NAV2: variants seen among roughly 807,000 people sequenced by gnomAD.
NAV2 encodes neuron navigator 2.
A neutral mutation model predicts 223.2 loss-of-function variants in NAV2; 54 were observed. That is an observed-to-expected ratio of 0.24 (90% CI 0.19 to 0.30). The LOEUF is 0.30. Among genes scored for constraint, NAV2 ranks in the 10% least tolerant of loss-of-function variants. NAV2 has a pLI of 1.00. For missense variants in NAV2, 2,806 were observed against 3,147.5 expected (o/e 0.89, Z 2.60); for synonymous variants, 1,279 against 1,239.3 (o/e 1.03, Z -0.67).
At chr11:19,989,161 G>C (rs1302039823) in intron 11 of NAV2, among the ~76,000 whole-genome samples, 1 of 152,186 alleles carries the variant, frequency 6.6e-6, no homozygotes, top group Non-Finnish European at 1.5e-5. Context: ...GATATGTTAA[G>C]TTTCATGGCG....
chr11:19,374,678 A>T (rs1848583578), intron 1 of NAV2, among the ~76,000 whole-genome samples: 1 of 152,206 alleles, frequency 6.6e-6, no homozygotes, highest in Non-Finnish European at 1.5e-5. Context: ...TTAAGAAATC[A>T]TCTGTCCTTT....
At chr11:19,755,864 C>G (rs558406701) in intron 1 of NAV2, among the ~76,000 whole-genome samples, 87 of 152,198 alleles carry the variant, frequency 5.7e-4, no homozygotes, top group Non-Finnish European at 1.1e-3. Context: ...GACTTACCTA[C>G]AGGGCAGAGA....
At chr11:19,880,209 G>T in intron 5 of NAV2, 82 bp downstream of exon 5, 1 of 1,449,682 alleles carries the variant, frequency 6.9e-7, no homozygotes, top group Non-Finnish European at 9.1e-7. Context: ...ATCCTGTATG[G>T]CTTTTTCATT....
In NAV2 at chr11:19,776,923, C is replaced by T. The variant is rs775883414; in HGVS notation, c.268-55561C>T. 3.3e-5 allele frequency among the ~76,000 whole-genome samples: 5 copies of T among 152,128 alleles called. No individual in the cohort carries two copies. The East Asian group carries it at 9.8e-4, about 30-fold the overall frequency. On this transcript the variant is annotated intron_variant, in intron 1 of 37. Coordinates refer to ENST00000349880, the MANE Select transcript of NAV2 (RefSeq NM_145117.5). ...CTACCCATCTTCTGCCCAAGGCTCTCCCTACTACCCACGCCCTCCCCGAAA... is the reference window on the plus strand; with the variant it reads ...CTACCCATCTTCTGCCCAAGGCTCTTCCTACTACCCACGCCCTCCCCGAAA...
At chr11:19,585,254 G>A (rs1038088856) in intron 1 of NAV2, among the ~76,000 whole-genome samples, 261 of 152,038 alleles carry the variant, frequency 1.7e-3, no homozygotes, top group African/African-American at 5.4e-3. Flanking sequence ...CCATCCCTTT[G>A]TTTTGAGCCT....
At chr11:19,772,389 CA>C (rs368776816) in intron 1 of NAV2, among the ~76,000 whole-genome samples, 149 of 152,312 alleles carry the variant, frequency 9.8e-4, no homozygotes, top group Non-Finnish European at 1.8e-3. Context: ...GAGGATCAAT[CA>C]CTCTCCATCT....
chr11:20,107,733 A>G lies in NAV2; in HGVS notation c.6911A>G (p.Asn2304Ser). ...GSRVWFTDLW[N>S]YSIIPYLLEA... ...AGAGTGTGGTTCACCGACTTGTGGA[A>G]CTATTCCATTATCCCCTATCTCCTG... The change falls in exon 36 of 38, where the codon AAC (asparagine) becomes AGC (serine). Residue 2304 changes from asparagine to serine, a missense_variant. Physicochemically the swap from Asn to Ser is conservative, Grantham distance 46. Around this residue, in one of 4 missense-constraint regions of NAV2, gnomAD observed 824 missense variants for 1,069.4 expected, o/e 0.77. Transcript: ENST00000349880. 1 of 1,614,176 alleles carries G rather than the reference A, an allele frequency of 6.2e-7. No homozygotes were observed. The highest frequency in any genetic ancestry group is 8.5e-7 in the Non-Finnish European group (1 of 1,180,024).
intron 5 of NAV2, among the ~76,000 whole-genome samples, chr11:19,889,235 T>TA (rs1171585623): frequency 6.6e-6 from 1 of 152,216 alleles, no homozygotes; most frequent in Non-Finnish European, 1.5e-5. Context: ...TCTTCCCACT[T>TA]ACCACACAGT....
At position 20,044,004 on chromosome 11, in the gene NAV2, G is replaced by C. The variant is rs371134903; in HGVS notation, c.2931G>C (p.Gln977His). 6.2e-6 allele frequency: 10 copies of C among 1,614,026 alleles called. No individual in the cohort carries two copies. Among genetic ancestry groups the C allele is most frequent in the Non-Finnish European group, 8.5e-6 (10 of 1,179,994 alleles). Residue 977 changes from glutamine to histidine, a missense_variant, in exon 13 of 38, where the codon CAG (glutamine) becomes CAC (histidine). Physicochemically the swap from Gln to His is conservative, Grantham distance 24 (BLOSUM62 0). Coordinates refer to ENST00000349880, the MANE Select transcript of NAV2 (RefSeq NM_145117.5). ...AGACTGATGCTGAGAAGCACTCACA[G>C]GTGGAGAGGAATTCCCTGTGGTCTG... The part of the protein sequence containing the change: ...DVQTDAEKHS[Q>H]VERNSLWSGD...
intron 1 of NAV2, among the ~76,000 whole-genome samples, chr11:19,393,097 A>T (rs773326657): frequency 2.6e-5 from 4 of 152,186 alleles, no homozygotes; most frequent in African/African-American, 9.7e-5. Flanking sequence ...GAATTGGATG[A>T]TCTAACCCCT....
chr11:19,850,127 C>G (rs1395196670), intron 3 of NAV2, among the ~76,000 whole-genome samples: 1 of 152,188 alleles, frequency 6.6e-6, no homozygotes, highest in Non-Finnish European at 1.5e-5. Flanking sequence ...ATACAAAGTA[C>G]TTATTTACAG....
chr11:20,015,450 T>A (rs377068813), intron 11 of NAV2, among the ~76,000 whole-genome samples: 1 of 152,252 alleles, frequency 6.6e-6, no homozygotes, highest in East Asian at 1.9e-4. Flanking sequence ...AGCATTCCTA[T>A]ACAGGCAGCC....
intron 1 of NAV2, among the ~76,000 whole-genome samples, chr11:19,622,274 G>T (rs2047021663): frequency 6.6e-6 from 1 of 152,156 alleles, no homozygotes; most frequent in Admixed American, 6.5e-5. Context: ...TATTAGGTCT[G>T]CTTGGTGCAG....
At chr11:19,718,397 G>A (rs1164492092) in intron 1 of NAV2, among the ~76,000 whole-genome samples, 1 of 152,186 alleles carries the variant, frequency 6.6e-6, no homozygotes, top group East Asian at 1.9e-4. Context: ...AGCAGCTGGT[G>A]TTCAAGTTGC....
intron 1 of NAV2, among the ~76,000 whole-genome samples, chr11:19,658,607 C>T (rs1590048562): frequency 6.6e-6 from 1 of 152,272 alleles, no homozygotes; most frequent in East Asian, 1.9e-4. Flanking sequence ...CTCCCTAAAT[C>T]CTCTTACTGA....
chr11:19,796,992 G>A (rs374944617), intron 1 of NAV2, among the ~76,000 whole-genome samples: 13 of 152,244 alleles, frequency 8.5e-5, no homozygotes, highest in South Asian at 2.1e-4. Context: ...GGCTGAGGCC[G>A]GGATATGATG....
intron 6 of NAV2, among the ~76,000 whole-genome samples, chr11:19,914,869 T>A (rs2153224196): frequency 6.6e-6 from 1 of 152,356 alleles, no homozygotes; most frequent in Middle Eastern, 3.4e-3. Flanking sequence ...TAAAAGTTCT[T>A]CAGCTCCCTT....
At chr11:20,022,255 T>C (rs2054571335) in intron 11 of NAV2, among the ~76,000 whole-genome samples, 1 of 152,222 alleles carries the variant, frequency 6.6e-6, no homozygotes, top group Non-Finnish European at 1.5e-5. Flanking sequence ...TACATAGTTC[T>C]TTCTGAGTGC....
At chr11:19,594,760 A>T (rs2046160602) in intron 1 of NAV2, among the ~76,000 whole-genome samples, 1 of 152,118 alleles carries the variant, frequency 6.6e-6, no homozygotes, top group South Asian at 2.1e-4. Context: ...AGCTATGTAA[A>T]CCTGAGCAGC....
Sources: allele counts gnomAD v4.1 joint callset (sites outside exome capture counted in the v4.1 genomes callset), GRCh38; gene constraint gnomAD v4.1.1; regional missense constraint gnomAD v4.1.1; transcripts MANE v1.5; gene names NCBI Gene and HGNC (gene_info 2026-07-23, HGNC 2026-07-21).